Variants in JMJD1C observed in about 807,000 individuals in gnomAD.
JMJD1C encodes the protein jumonji domain containing 1C, also known as jumonji domain-containing protein 1C.
A neutral mutation model predicts 245.3 loss-of-function variants in JMJD1C; 31 were observed. That is an observed-to-expected ratio of 0.13 (90% CI 0.09 to 0.17). The LOEUF is 0.17. Among genes scored for constraint, JMJD1C ranks in the 10% least tolerant of loss-of-function variants. The pLI is 1.00. For synonymous variants in JMJD1C, 1,057 were observed against 1,017.4 expected, an observed-to-expected ratio of 1.04 and a Z score of -0.74; for missense variants, 2,691 against 3,000.2, an observed-to-expected ratio of 0.90 and a Z score of 2.41.
intron 14 of JMJD1C, among the ~76,000 whole-genome samples, chr10:63,193,900 T>C (rs1480151366): frequency 6.6e-6 from 1 of 152,240 alleles, no homozygotes; most frequent in African/African-American, 2.4e-5. Context: ...TCTCCTGACC[T>C]CGTGATCCGC....
At chr10:63,319,255 TAAAAAAA>T (rs59018554) in intron 2 of JMJD1C, among the ~76,000 whole-genome samples, 50 of 85,948 alleles carry the variant, frequency 5.8e-4, no homozygotes, top group African/African-American at 1.8e-3. Context: ...AGACTCCATC[TAAAAAAA>T]AAAAAAAAAA....
chr10:63,365,860 G>A (rs1945790894), intron 2 of JMJD1C, among the ~76,000 whole-genome samples: 1 of 152,168 alleles, frequency 6.6e-6, no homozygotes, highest in African/African-American at 2.4e-5. Context: ...TCTGGCTTCT[G>A]CCCTCAGCTA....
intron 2 of JMJD1C, among the ~76,000 whole-genome samples, chr10:63,362,697 T>A (rs1158299066): frequency 6.6e-6 from 1 of 152,046 alleles, no homozygotes; most frequent in East Asian, 1.9e-4. Flanking sequence ...CTTGGGCTAG[T>A]CTCGAACTCC....
chr10:63,307,410 C>T (rs1938413400), intron 2 of JMJD1C, among the ~76,000 whole-genome samples: 1 of 152,136 alleles, frequency 6.6e-6, no homozygotes, highest in Non-Finnish European at 1.5e-5. Context: ...GAATCATATA[C>T]GTCTATGTAA....
chr10:63,445,047 T>G (rs1401405710), intron 1 of JMJD1C, among the ~76,000 whole-genome samples: 16 of 151,940 alleles, frequency 1.1e-4, no homozygotes, highest in Admixed American at 1.0e-3. Context: ...GGCAACATAG[T>G]GATACCCAGT....
chr10:63,476,915 A>G (rs1953679257), intron 1 of JMJD1C, among the ~76,000 whole-genome samples: 1 of 152,136 alleles, frequency 6.6e-6, no homozygotes, highest in Non-Finnish European at 1.5e-5. Flanking sequence ...TATGCAAACT[A>G]AAAGGAATGA....
At chr10:63,262,208 A>C (rs1414422418) in intron 3 of JMJD1C, among the ~76,000 whole-genome samples, 1 of 152,214 alleles carries the variant, frequency 6.6e-6, no homozygotes, top group Admixed American at 6.5e-5. Context: ...TAAGAAGCTA[A>C]GGAATTTAAT....
chr10:63,294,366 C>A lies in JMJD1C; in HGVS notation c.334-29602G>T, dbSNP rs1051021659. On this transcript the variant is annotated intron_variant, in intron 2 of 25. Coordinates refer to ENST00000399262, the MANE Select transcript of JMJD1C (RefSeq NM_032776.3). ...GTGGTATCATCTCGGCTCACTGTAA[C>A]CTCCGCCTCCAGGGTTCAAGCAAAT... Among the ~76,000 whole-genome samples, 3 of 151,740 alleles carry A rather than the reference C, an allele frequency of 2.0e-5. No homozygotes were observed. In the South Asian group the frequency reaches 6.3e-4, roughly 32 times the overall value.
chr10:63,273,120 A>G (rs185761978), intron 2 of JMJD1C, among the ~76,000 whole-genome samples: 1 of 152,364 alleles, frequency 6.6e-6, no homozygotes, highest in Admixed American at 6.5e-5. Flanking sequence ...CTATAGAATC[A>G]ATTCTTGATG....
chr10:63,300,604 T>C (rs1007494007), intron 2 of JMJD1C, among the ~76,000 whole-genome samples: 2 of 152,116 alleles, frequency 1.3e-5, no homozygotes, highest in African/African-American at 2.4e-5. Context: ...CAGAAATTCA[T>C]TAAGAAGCCT....
At chr10:63,433,617 G>C (rs1336711513) in intron 1 of JMJD1C, among the ~76,000 whole-genome samples, 2 of 137,320 alleles carry the variant, frequency 1.5e-5, no homozygotes, top group Non-Finnish European at 3.1e-5. Flanking sequence ...ACAGGGTCTC[G>C]CTTTGATGCT....
chr10:63,247,680 C>A (rs1483505057), intron 3 of JMJD1C, among the ~76,000 whole-genome samples: 3 of 118,198 alleles, frequency 2.5e-5, no homozygotes, highest in East Asian at 5.1e-4. Flanking sequence ...TGCAGTGAGC[C>A]AAGACTGAGC....
intron 1 of JMJD1C, among the ~76,000 whole-genome samples, chr10:63,518,955 TG>T (rs1955114933): frequency 6.6e-6 from 1 of 152,222 alleles, no homozygotes; most frequent in African/African-American, 2.4e-5. Context: ...CAATGACCTA[TG>T]TGATCACCCG....
chr10:63,505,185 C>T (rs1044676585), intron 1 of JMJD1C, among the ~76,000 whole-genome samples: 25 of 151,980 alleles, frequency 1.6e-4, no homozygotes, highest in Admixed American at 1.3e-3. Flanking sequence ...GGAATGGTGG[C>T]GGGCGCCTGT....
intron 1 of JMJD1C, among the ~76,000 whole-genome samples, chr10:63,451,158 G>A (rs959273707): frequency 2.0e-5 from 3 of 152,188 alleles, no homozygotes; most frequent in South Asian, 4.1e-4. Context: ...AAAGACATCT[G>A]TGTTTGTGGA....
intron 17 of JMJD1C, 58 bp downstream of exon 17, chr10:63,190,836 T>C: frequency 1.5e-6 from 2 of 1,374,430 alleles, no homozygotes; most frequent in Non-Finnish European, 2.1e-6. Flanking sequence ...AAAAACTAAG[T>C]CTCCAAATCA....
chr10:63,362,240 A>AG (rs1053735972), intron 2 of JMJD1C, among the ~76,000 whole-genome samples: 2 of 151,798 alleles, frequency 1.3e-5, no homozygotes, highest in Admixed American at 1.3e-4. Context: ...ATCTCTAAAA[A>AG]AAAAAAAAAA....
intron 3 of JMJD1C, among the ~76,000 whole-genome samples, chr10:63,221,191 T>TA (rs1483739309): frequency 6.6e-6 from 1 of 150,734 alleles, no homozygotes; most frequent in Non-Finnish European, 1.5e-5. Context: ...ATCTGATGAA[T>TA]AAAAAACAAT....
upstream of JMJD1C, among the ~76,000 whole-genome samples, chr10:63,469,105 C>T (rs539173794): frequency 1.3e-5 from 2 of 152,294 alleles, no homozygotes; most frequent in East Asian, 3.9e-4. Context: ...ATAGATTTTT[C>T]ACTTTTTGAC....
Sources: gnomAD v4.1 joint callset for allele counts (sites outside exome capture counted in the v4.1 genomes callset) on GRCh38, gnomAD v4.1.1 for gene constraint, MANE v1.5 for transcripts, NCBI Gene and HGNC (gene_info 2026-07-23, HGNC 2026-07-21) for gene names.